The following MCPH1 variants were observed in gnomAD, a reference collection of about 807,000 sequenced individuals.
The protein encoded by MCPH1 is microcephalin.
In MCPH1, 104 loss-of-function variants were observed where a neutral mutation model predicts 84.5. The observed-to-expected ratio is 1.23, with a 90% CI of 1.05 to 1.45. MCPH1 has a LOEUF of 1.45. Among genes scored for constraint, MCPH1 ranks in the 40% most tolerant of loss-of-function variants. The pLI, the probability that MCPH1 is intolerant of heterozygous loss-of-function variation, is 0.00. For missense variants in MCPH1, 1,498 were observed against 1,005.7 expected (o/e 1.49, Z -6.62); for synonymous variants, 514 against 366.8 (o/e 1.40, Z -4.58).
rs1200416242 is a variant in MCPH1, at chr8:6,602,695, G to A, written c.2215-18759G>A. On this transcript the variant is annotated intron_variant, in intron 12 of 13. Coordinates refer to ENST00000344683, the MANE Select transcript of MCPH1 (RefSeq NM_024596.5). ...TTTCCTTGTTGTTTACAAGCTCCAG[G>A]TATTTGTGACAGATCTTATCATCTC... Among the ~76,000 whole-genome samples the A allele has an allele frequency of 5.3e-5, 8 of 151,988 alleles. No individual in the cohort carries two copies. The East Asian group carries it at 1.5e-3, about 29-fold the overall frequency.
intron 3 of MCPH1, among the ~76,000 whole-genome samples, chr8:6,424,921 C>T (rs1399292944): frequency 6.6e-6 from 1 of 152,206 alleles, no homozygotes; most frequent in African/African-American, 2.4e-5. Flanking sequence ...TTTTTTACCT[C>T]ACTAACACAG....
At chr8:6,501,096 G>C (rs1395512901) in intron 12 of MCPH1, 1 of 152,172 alleles carries the variant, frequency 6.6e-6, no homozygotes, top group Non-Finnish European at 1.5e-5. Context: ...ATATAAAGTA[G>C]ATACAGTTCT....
At chr8:6,635,271 AC>A (rs34085206) in intron 13 of MCPH1, 37,064 of 152,190 alleles carry the variant, frequency 0.24, 5,143 homozygotes, top group Non-Finnish European at 0.33. Flanking sequence ...TCGTGATGAT[AC>A]CGACCATGAA....
At chr8:6,416,712 G>C (rs1799350379) in intron 3 of MCPH1, among the ~76,000 whole-genome samples, 1 of 152,176 alleles carries the variant, frequency 6.6e-6, no homozygotes, top group Admixed American at 6.5e-5. Flanking sequence ...TGTTGGAACA[G>C]GCCGGATGCG....
intron 13 of MCPH1, among the ~76,000 whole-genome samples, chr8:6,640,006 C>T (rs754766888): frequency 3.3e-5 from 5 of 151,172 alleles, no homozygotes; most frequent in Admixed American, 1.3e-4. Flanking sequence ...CCCAAGTAGG[C>T]GGGACTACAG....
At chr8:6,504,498 G>C (rs1443002839) in intron 12 of MCPH1, among the ~76,000 whole-genome samples, 1 of 152,034 alleles carries the variant, frequency 6.6e-6, no homozygotes, top group African/African-American at 2.4e-5. Flanking sequence ...TTGGTTATTA[G>C]ATCGATTGTC....
At chr8:6,482,295 A>C (rs1161532442) in intron 11 of MCPH1, among the ~76,000 whole-genome samples, 1 of 152,194 alleles carries the variant, frequency 6.6e-6, no homozygotes, top group Non-Finnish European at 1.5e-5. Flanking sequence ...CTATGGAAAA[A>C]ATGACTCTTT....
At chr8:6,546,295 G>T (rs1822565859) in intron 12 of MCPH1, among the ~76,000 whole-genome samples, 1 of 152,208 alleles carries the variant, frequency 6.6e-6, no homozygotes, top group Non-Finnish European at 1.5e-5. Context: ...GTCAGCCACT[G>T]GAAGAATTCA....
intron 12 of MCPH1, chr8:6,500,385 ATTT>A (rs1811921697): frequency 6.3e-6 from 1 of 158,220 alleles, no homozygotes; most frequent in African/African-American, 2.4e-5. Context: ...CTGGGTTCTA[ATTT>A]TTTTTAAGAT....
chr8:6,481,391 C>T (rs1809223899), intron 11 of MCPH1, among the ~76,000 whole-genome samples: 1 of 152,140 alleles, frequency 6.6e-6, no homozygotes, highest in African/African-American at 2.4e-5. Context: ...TTAAAGATAG[C>T]TTTTAAAAAT....
intron 12 of MCPH1, among the ~76,000 whole-genome samples, chr8:6,589,731 A>G (rs1457435275): frequency 1.3e-5 from 2 of 152,222 alleles, no homozygotes; most frequent in Non-Finnish European, 2.9e-5. Flanking sequence ...TGTTTCCATG[A>G]CACGTGCTGC....
At chr8:6,585,957 A>G (rs975968442) in intron 12 of MCPH1, among the ~76,000 whole-genome samples, 1 of 152,164 alleles carries the variant, frequency 6.6e-6, no homozygotes. Context: ...AAGTGAAGCC[A>G]TCCTTCTTTT....
intron 12 of MCPH1, among the ~76,000 whole-genome samples, chr8:6,566,801 C>T (rs1252575935): frequency 1.5e-5 from 2 of 137,158 alleles, no homozygotes; most frequent in East Asian, 2.2e-4. Context: ...GTGTGGTGAC[C>T]GTGTGTGATC....
Position 6,621,646 on chromosome 8 carries a change from A to T in MCPH1, c.2407A>T (p.Lys803Ter). ...CATCGTCATCGGGCCCTACAGCGGA[A>T]AGAAGAAAGCCACAGTCAAGTATCT... ...ASIVIGPYSG[K>*]KKATVKYLSE... The change falls in exon 13 of 14, where the codon AAG (lysine) becomes TAG (stop). Residue 803 changes from lysine (K) to a stop codon, truncating the protein, a stop_gained. Transcript: ENST00000344683. LOFTEE classifies it high-confidence loss of function. The T allele has an allele frequency of 6.2e-7, 1 of 1,614,236 alleles. No homozygotes were observed. Among genetic ancestry groups the T allele is most frequent in the Non-Finnish European group, 8.5e-7 (1 of 1,180,042 alleles).
At chr8:6,529,122 G>A (rs2081051485) in intron 12 of MCPH1, among the ~76,000 whole-genome samples, 3 of 152,240 alleles carry the variant, frequency 2.0e-5, no homozygotes, top group Non-Finnish European at 4.4e-5. Context: ...TGGCCCAGTA[G>A]TAATTGTAAC....
intron 12 of MCPH1, among the ~76,000 whole-genome samples, chr8:6,545,419 C>T (rs1325982963): frequency 5.3e-5 from 8 of 152,172 alleles, no homozygotes; most frequent in Non-Finnish European, 4.4e-5. Context: ...TGTTGTGACA[C>T]TATGACCCTA....
At chr8:6,598,553 A>G (rs143185426) in intron 12 of MCPH1, among the ~76,000 whole-genome samples, 4 of 152,204 alleles carry the variant, frequency 2.6e-5, no homozygotes, top group Non-Finnish European at 5.9e-5. Context: ...ACACCAGAAC[A>G]GCTCTCCTCG....
intron 3 of MCPH1, among the ~76,000 whole-genome samples, chr8:6,415,603 C>G (rs909392466): frequency 1.3e-5 from 2 of 152,276 alleles, no homozygotes; most frequent in South Asian, 4.1e-4. Context: ...ATCCACCTGC[C>G]TCGGCCTCCC....
chr8:6,592,472 T>C (rs1469363318), intron 12 of MCPH1, among the ~76,000 whole-genome samples: 2 of 152,166 alleles, frequency 1.3e-5, no homozygotes, highest in African/African-American at 2.4e-5. Flanking sequence ...GTAACTATTA[T>C]ATATTTCACA....
Sources: allele counts gnomAD v4.1 joint callset (sites outside exome capture counted in the v4.1 genomes callset), GRCh38; gene constraint gnomAD v4.1.1; transcripts MANE v1.5; gene names NCBI Gene and HGNC (gene_info 2026-07-23, HGNC 2026-07-21).